ZNF428: variants seen among roughly 807,000 people sequenced by gnomAD.
ZNF428 encodes zinc finger protein 428.
A neutral mutation model predicts 15.6 loss-of-function variants in ZNF428; 5 were observed. The ratio of observed to expected loss-of-function variants is 0.32; its 90% CI spans 0.17 to 0.67. The LOEUF is 0.67. ZNF428 is among the 30% of genes least tolerant of loss of function. The pLI is 0.73. For missense variants in ZNF428, 237 were observed against 256.0 expected (o/e 0.93, Z 0.51); for synonymous variants, 97 against 102.2 (o/e 0.95, Z 0.31).
chr19:43,608,192 C>CA, intron 2 of ZNF428, 85 bp from the exon 3 acceptor site: 1 of 1,525,306 alleles, frequency 6.6e-7, no homozygotes, highest in Non-Finnish European at 8.8e-7. Context: ...TCCCCACATT[C>CA]AGACTTGCCA....
chr19:43,612,612 A>G lies in ZNF428; in HGVS notation c.76+1617T>C. 1.3e-6 allele frequency: 2 copies of G among 1,551,598 alleles called. No individual in the cohort carries two copies. The highest frequency in any genetic ancestry group is 2.4e-5 in the South Asian group (2 of 84,066). On this transcript the variant is annotated intron_variant, in intron 2 of 2. Transcript: ENST00000300811. This position sits in a 1 kb window ranked among gnomAD's most constrained non-coding sequence, Gnocchi z 4.2. ...AGCAGGGTGAGAACTCCCACTTCAC[A>G]GCAAAAAGGGAGCCGGGGAAAGAGT...
At chr19:43,618,870 A>T (rs1474077585) in intron 1 of ZNF428, among the ~76,000 whole-genome samples, 1 of 152,094 alleles carries the variant, frequency 6.6e-6, no homozygotes, top group African/African-American at 2.4e-5. Flanking sequence ...TTACCAGGAG[A>T]CAATGCCCAT....
chr19:43,614,276 G>C lies in ZNF428; in HGVS notation c.29C>G (p.Thr10Ser). The C allele has an allele frequency of 5.6e-6, 9 of 1,612,850 alleles. No individual in the cohort carries two copies. The highest frequency in any genetic ancestry group is 7.6e-6 in the Non-Finnish European group (9 of 1,179,192). Residue 10 changes from threonine (T) to serine (S), a missense_variant, in exon 2 of 3, where the codon ACT becomes AGT. Physicochemically the swap from Thr to Ser is moderately conservative, Grantham distance 58. Transcript: ENST00000300811. MTETREPAE[T>S]GGYASLEEDD... ...TTCTTCCAAGCTGGCGTAGCCCCCA[G>C]TCTCAGCTGGCTCACGGGTCTCTGT...
At chr19:43,613,995 A>C in intron 2 of ZNF428, 1 of 1,551,756 alleles carries the variant, frequency 6.4e-7, no homozygotes, top group South Asian at 1.2e-5. Flanking sequence ...ACCCCCAGCA[A>C]AGAAGGAAAT....
intron 2 of ZNF428, among the ~76,000 whole-genome samples, chr19:43,608,940 C>CAAA (rs201526533): frequency 8.0e-5 from 5 of 62,402 alleles, no homozygotes; most frequent in African/African-American, 2.2e-4. Context: ...TAGAAAAAAG[C>CAAA]AAAAAAAAAA....
chr19:43,615,736 G>T (rs1973365846), intron 1 of ZNF428, among the ~76,000 whole-genome samples: 1 of 152,044 alleles, frequency 6.6e-6, no homozygotes, highest in Admixed American at 6.6e-5. Context: ...CAGAACTCAA[G>T]GAAATGCTTA....
At chr19:43,617,189 C>A (rs1973380194) in intron 1 of ZNF428, among the ~76,000 whole-genome samples, 2 of 152,102 alleles carry the variant, frequency 1.3e-5, no homozygotes, top group African/African-American at 4.8e-5. Flanking sequence ...CGCTGAAATA[C>A]TGCCTCTGCC....
intron 1 of ZNF428, among the ~76,000 whole-genome samples, chr19:43,615,908 C>G (rs1467187385): frequency 6.6e-6 from 1 of 152,294 alleles, no homozygotes; most frequent in East Asian, 1.9e-4. Flanking sequence ...TCTCCAAACC[C>G]AGTCCTCTTG....
intron 1 of ZNF428, among the ~76,000 whole-genome samples, chr19:43,618,617 C>T (rs142734670): frequency 0.014 from 1,995 of 146,194 alleles, 38 homozygotes; most frequent in African/African-American, 0.041. Context: ...ACTATATTGC[C>T]CAGGCTGGTC....
rs3052821 is a variant in ZNF428, at chr19:43,607,372, T to TACAC, written c.*241_*244dup. ...TCCCCAAGAAGGAGCCCAGGGGGAA[T>TACAC]ACACACACACACACACACACACAAA... On this transcript the variant is annotated 3_prime_UTR_variant, in exon 3 of 3. Coordinates refer to ENST00000300811, the MANE Select transcript of ZNF428 (RefSeq NM_182498.4). The surrounding 1 kb of genome is among the most constrained non-coding windows in gnomAD (Gnocchi z 5.1). The TACAC allele has an allele frequency of 8.0e-4, 335 of 419,798 alleles. No homozygotes were observed. Among genetic ancestry groups the TACAC allele is most frequent in the African/African-American group, 2.6e-3 (122 of 47,488 alleles). The allele number at this position is 419,798 out of a possible 1,614,324, so 26.0% of individuals were successfully genotyped here. A position where few individuals can be genotyped will look rare whatever the true frequency, so the allele number is the denominator to read the frequency against.
rs1329474311 is a variant in ZNF428 at position 43,612,522 on chromosome 19, G to A, written c.76+1707C>T. On this transcript the variant is annotated intron_variant, in intron 2 of 2. Coordinates refer to ENST00000300811, the MANE Select transcript of ZNF428 (RefSeq NM_182498.4). The surrounding 1 kb of genome is among the most constrained non-coding windows in gnomAD (Gnocchi z 4.2). ...AGAAGGGGAAGCCGCAGCTCCAAGA[G>A]GTCACCCAGCAGGGCCAGCACTCCT... The A allele has an allele frequency of 6.4e-7, 1 of 1,551,388 alleles. No individual in the cohort carries two copies. Among genetic ancestry groups the A allele is most frequent in the South Asian group, 1.2e-5 (1 of 84,052 alleles).
chr19:43,607,426 C>T lies in ZNF428; in HGVS notation c.*191G>A, dbSNP rs1416320271. ...ACACACGGGCGGGAATACACACACA[C>T]ACACACACACTCTGAACCAACACAC... On this transcript the variant is annotated 3_prime_UTR_variant, in exon 3 of 3. Coordinates refer to ENST00000300811, the MANE Select transcript of ZNF428 (RefSeq NM_182498.4). This position sits in a 1 kb window ranked among gnomAD's most constrained non-coding sequence, Gnocchi z 5.1. 5 of 670,796 alleles carry T rather than the reference C, an allele frequency of 7.5e-6. No homozygotes were observed. The highest frequency in any genetic ancestry group is 1.2e-5 in the Non-Finnish European group (5 of 413,872). 41.6% of individuals were successfully genotyped at this position (670,796 alleles called of 1,614,324 possible).
At chr19:43,611,236 T>C (rs914506755) in intron 2 of ZNF428, among the ~76,000 whole-genome samples, 1 of 152,062 alleles carries the variant, frequency 6.6e-6, no homozygotes, top group Non-Finnish European at 1.5e-5. Flanking sequence ...AGAGGACGTG[T>C]GGGTGAGTGG....
chr19:43,615,036 CG>C (rs1474825612), intron 1 of ZNF428, among the ~76,000 whole-genome samples: 2 of 151,984 alleles, frequency 1.3e-5, no homozygotes, highest in Admixed American at 6.6e-5. Flanking sequence ...GAGAGTGGAG[CG>C]GGACGGATAC....
Position 43,608,046 on chromosome 19 carries a change from T to A in ZNF428, c.138A>T (p.Glu46Asp), listed in dbSNP as rs762690049. Residue 46 changes from glutamate to aspartate, a missense_variant, in exon 3 of 3, where the codon GAA becomes GAT. Physicochemically the swap from Glu to Asp is conservative, Grantham distance 45. Transcript: ENST00000300811. ...TCTCCTCTTCCTCCTCCTCCTCATCTTCTTCCTCTTCGGAGTCCGGCTCTG... is the reference window on the plus strand; with the variant it reads ...TCTCCTCTTCCTCCTCCTCCTCATCATCTTCCTCTTCGGAGTCCGGCTCTG... Reference protein sequence around the residue: ...TLSEPDSEEEEDEEEEEEETT... With the variant: ...TLSEPDSEEEDDEEEEEEETT... The A allele has an allele frequency of 2.0e-5, 32 of 1,613,842 alleles. 1 individual carries two copies. The highest frequency in any genetic ancestry group is 1.6e-4 in the East Asian group (7 of 44,884).
chr19:43,614,358 TC>T lies in ZNF428; in HGVS notation c.-55del. ...CAGAGCAGCAGCTGAGCAGCGTCCCTCCCCGGCCAGCTCTCCACAGCCACAC... is the reference window on the plus strand; with the variant it reads ...CAGAGCAGCAGCTGAGCAGCGTCCCTCCCGGCCAGCTCTCCACAGCCACAC... On this transcript the variant is annotated 5_prime_UTR_variant, in exon 2 of 3. Transcript: ENST00000300811. 1 of 1,539,370 alleles carries T rather than the reference TC, an allele frequency of 6.5e-7. No homozygotes were observed. Among genetic ancestry groups the T allele is most frequent in the Non-Finnish European group, 8.7e-7 (1 of 1,146,486 alleles).
At chr19:43,610,922 C>T (rs1303581408) in intron 2 of ZNF428, among the ~76,000 whole-genome samples, 1 of 152,152 alleles carries the variant, frequency 6.6e-6, no homozygotes, top group Non-Finnish European at 1.5e-5. Context: ...GTCCCTGCAG[C>T]TCTCTCCTAC....
Position 43,608,122 on chromosome 19 carries a change from A to G in ZNF428, c.77-15T>C, listed in dbSNP as rs374481407. 136 of 1,599,760 alleles carry G rather than the reference A, an allele frequency of 8.5e-5. No individual in the cohort carries two copies. Among genetic ancestry groups the G allele is most frequent in the Non-Finnish European group, 1.1e-4 (129 of 1,172,830 alleles). On this transcript the variant is annotated splice_polypyrimidine_tract_variant and intron_variant, in intron 2 of 2. Coordinates refer to ENST00000300811, the MANE Select transcript of ZNF428 (RefSeq NM_182498.4). ...ATGCTCGGGGCCTGGAGGGGGACAG[A>G]CAGGGGAAGACAGTGGTATCAGAGG...
At chr19:43,618,701 G>T (rs1600090640) in intron 1 of ZNF428, among the ~76,000 whole-genome samples, 1 of 148,300 alleles carries the variant, frequency 6.7e-6, no homozygotes, top group East Asian at 2.0e-4. Context: ...CTAGCCCAAA[G>T]AATTAATATA....
Sources: gnomAD v4.1 joint callset for allele counts (sites outside exome capture counted in the v4.1 genomes callset) on GRCh38, gnomAD v4.1.1 for gene constraint, Gnocchi (gnomAD v3.1) non-coding constraint, MANE v1.5 for transcripts, NCBI Gene and HGNC (gene_info 2026-07-23, HGNC 2026-07-21) for gene names.